Variants in MAPK14 observed in about 807,000 individuals in gnomAD.
The protein encoded by MAPK14 is CSAID-binding protein.
A neutral mutation model predicts 49.6 loss-of-function variants in MAPK14; 16 were observed. The ratio of observed to expected loss-of-function variants is 0.32; its 90% CI spans 0.22 to 0.49. MAPK14 has a LOEUF of 0.49. Ranked by LOEUF, MAPK14 falls within the 20% of genes least tolerant of loss-of-function variation. MAPK14 has a pLI of 0.99. For synonymous variants in MAPK14, 142 were observed against 158.0 expected, an observed-to-expected ratio of 0.90 and a Z score of 0.76; for missense variants, 200 against 441.2, an observed-to-expected ratio of 0.45 and a Z score of 4.90.
intron 1 of MAPK14, among the ~76,000 whole-genome samples, chr6:36,038,073 A>G (rs928892540): frequency 7.2e-5 from 11 of 152,152 alleles, no homozygotes; most frequent in African/African-American, 2.7e-4. Flanking sequence ...TAATAAACAA[A>G]ATATATAGTG....
intron 3 of MAPK14, among the ~76,000 whole-genome samples, chr6:36,068,076 A>C (rs1483440105): frequency 1.3e-5 from 2 of 152,034 alleles, no homozygotes; most frequent in African/African-American, 4.8e-5. Flanking sequence ...GGGTGGGGGG[A>C]AGATGAAATT....
intron 2 of MAPK14, among the ~76,000 whole-genome samples, chr6:36,053,245 A>G (rs1763472417): frequency 6.7e-6 from 1 of 148,460 alleles, no homozygotes; most frequent in African/African-American, 2.5e-5. Flanking sequence ...TATTCTCATA[A>G]TATAGCCTTA....
chr6:36,036,548 A>C, intron 1 of MAPK14, among the ~76,000 whole-genome samples: 1 of 150,548 alleles, frequency 6.6e-6, no homozygotes, highest in African/African-American at 2.5e-5. Context: ...GCAGCAATTC[A>C]CCGTTGTCTT....
intron 8 of MAPK14, among the ~76,000 whole-genome samples, chr6:36,085,055 A>G (rs976118274): frequency 1.3e-5 from 2 of 152,206 alleles, no homozygotes; most frequent in African/African-American, 4.8e-5. Context: ...CCAAAGTTTC[A>G]TATCTGGCCA....
chr6:36,052,488 A>G (rs1763440320), intron 1 of MAPK14, among the ~76,000 whole-genome samples: 1 of 152,234 alleles, frequency 6.6e-6, no homozygotes, highest in African/African-American at 2.4e-5. Context: ...TCTGATTTAG[A>G]TACATAGAAA....
In MAPK14 at chr6:36,102,574, A is replaced by G; in HGVS notation, c.766A>G (p.Arg256Gly). ...LLKKISSESA[R>G]NYIQSLTQMP... ...CTGAAAACCCTTGTTTTTTCAGGCA[A>G]GAAACTATATTCAGTCTTTGACTCA... is the stretch of plus-strand genomic sequence containing the variant. The change falls in exon 10 of 12, where the codon AGA becomes GGA. Residue 256 changes from arginine to glycine, a missense_variant. Transcript: ENST00000229794. 1 of 1,611,714 alleles carries G rather than the reference A, an allele frequency of 6.2e-7. No homozygotes were observed. The highest frequency in any genetic ancestry group is 8.5e-7 in the Non-Finnish European group (1 of 1,179,182).
chr6:36,082,477 G>A (rs1764804774), intron 8 of MAPK14, among the ~76,000 whole-genome samples: 1 of 152,146 alleles, frequency 6.6e-6, no homozygotes, highest in Non-Finnish European at 1.5e-5. Context: ...AGGTTTATTT[G>A]GCTCACAGTT....
chr6:36,070,973 A>G (rs1316318980), intron 3 of MAPK14, among the ~76,000 whole-genome samples: 1 of 152,218 alleles, frequency 6.6e-6, no homozygotes, highest in Non-Finnish European at 1.5e-5. Context: ...GATATATATT[A>G]TTACCCAATC....
intron 8 of MAPK14, chr6:36,092,133 C>T (rs368823070): frequency 4.6e-5 from 24 of 519,250 alleles, no homozygotes; most frequent in Non-Finnish European, 6.5e-5. Context: ...TCTTGGGTAA[C>T]GAAATGACTT....
intron 8 of MAPK14, among the ~76,000 whole-genome samples, chr6:36,079,180 T>C (rs928400390): frequency 1.3e-5 from 2 of 152,240 alleles, no homozygotes; most frequent in African/African-American, 4.8e-5. Flanking sequence ...CCCCTGTTTT[T>C]AATAGATGGG....
chr6:36,113,860 C>G (rs896561250), downstream of MAPK14, among the ~76,000 whole-genome samples: 9 of 152,204 alleles, frequency 5.9e-5, no homozygotes, highest in Admixed American at 1.3e-4. Flanking sequence ...GGCAGGAGAA[C>G]AGTTGCTGGA....
At chr6:36,033,764 C>G (rs1404769586) in intron 1 of MAPK14, among the ~76,000 whole-genome samples, 1 of 152,170 alleles carries the variant, frequency 6.6e-6, no homozygotes, top group Non-Finnish European at 1.5e-5. Context: ...CTTTCATGGG[C>G]AAGAGTGCAG....
chr6:36,046,053 G>A (rs1763167748), intron 1 of MAPK14, among the ~76,000 whole-genome samples: 1 of 152,116 alleles, frequency 6.6e-6, no homozygotes, highest in Non-Finnish European at 1.5e-5. Flanking sequence ...ATGTGTGTGT[G>A]ACACAAGGGG....
At chr6:36,032,587 T>C (rs1762584816) in intron 1 of MAPK14, among the ~76,000 whole-genome samples, 1 of 152,178 alleles carries the variant, frequency 6.6e-6, no homozygotes, top group Non-Finnish European at 1.5e-5. Flanking sequence ...AACCATGAAA[T>C]AGGAGGTGAC....
chr6:36,112,929 G>C (rs766179440), downstream of MAPK14, among the ~76,000 whole-genome samples: 2 of 152,152 alleles, frequency 1.3e-5, no homozygotes, highest in Non-Finnish European at 2.9e-5. Flanking sequence ...AAATACATTG[G>C]CTTCAGGTAC....
At chr6:36,069,563 T>A (rs1427826439) in intron 3 of MAPK14, among the ~76,000 whole-genome samples, 2 of 152,224 alleles carry the variant, frequency 1.3e-5, no homozygotes, top group Non-Finnish European at 2.9e-5. Context: ...CTATATAGAC[T>A]GATTAATCTT....
the MAPK14 span, among the ~76,000 whole-genome samples, chr6:36,122,348 A>C: frequency 1.3e-5 from 2 of 152,206 alleles, no homozygotes; most frequent in African/African-American, 2.4e-5. Context: ...TGACTCCATT[A>C]CTGCGGTTTG....
chr6:36,049,268 C>A (rs1255146016), intron 1 of MAPK14, among the ~76,000 whole-genome samples: 1 of 152,120 alleles, frequency 6.6e-6, no homozygotes, highest in African/African-American at 2.4e-5. Flanking sequence ...GAAATCTTGT[C>A]AAAAAGTAAA....
chr6:36,031,590 A>G (rs1028903083), intron 1 of MAPK14, among the ~76,000 whole-genome samples: 6 of 151,462 alleles, frequency 4.0e-5, no homozygotes, highest in African/African-American at 1.5e-4. Flanking sequence ...TTTTTAATAC[A>G]GACAGGGTTT....
Sources: allele counts gnomAD v4.1 joint callset (sites outside exome capture counted in the v4.1 genomes callset), GRCh38; gene constraint gnomAD v4.1.1; transcripts MANE v1.5; gene names NCBI Gene and HGNC (gene_info 2026-07-23, HGNC 2026-07-21).